Variants in NR3C2 observed in about 807,000 individuals in gnomAD.
The protein encoded by NR3C2 is mineralocorticoid receptor.
In NR3C2, 15 loss-of-function variants were observed where a neutral mutation model predicts 86.4. The ratio of observed to expected loss-of-function variants is 0.17; its 90% CI spans 0.12 to 0.27. NR3C2 has a LOEUF of 0.27. Ranked by LOEUF, NR3C2 falls within the 10% of genes least tolerant of loss-of-function variation. The pLI, the probability that NR3C2 is intolerant of heterozygous loss-of-function variation, is 1.00. For synonymous variants in NR3C2, 458 were observed against 450.5 expected (o/e 1.02, Z -0.21); for missense variants, 960 against 1,195.6 (o/e 0.80, Z 2.91).
At chr4:148,092,450 G>T (rs1731101293) in intron 8 of NR3C2, among the ~76,000 whole-genome samples, 1 of 152,128 alleles carries the variant, frequency 6.6e-6, no homozygotes, top group Non-Finnish European at 1.5e-5. Flanking sequence ...TTTCTGCTGT[G>T]CAACCCTGGT....
chr4:148,356,480 A>T lies in NR3C2; in HGVS notation c.1757+78624T>A, dbSNP rs568776330. ...GTGACGTTTTTCTGTAGTGCCATTC[A>T]TAAAGGTGTCACATCTATGCTATAC... On this transcript the variant is annotated intron_variant, in intron 2 of 8. Transcript: ENST00000358102. Among the ~76,000 whole-genome samples the T allele has an allele frequency of 3.2e-4, 49 of 152,322 alleles. 1 individual carries two copies. The highest frequency in any genetic ancestry group is 1.1e-3 in the African/African-American group (47 of 41,586).
At chr4:148,151,265 G>A (rs1578943595) in intron 6 of NR3C2, among the ~76,000 whole-genome samples, 1 of 49,514 alleles carries the variant, frequency 2.0e-5, no homozygotes, top group South Asian at 4.3e-4. Flanking sequence ...ATTTACTCAC[G>A]TCCTTTTAAA....
At chr4:148,289,755 T>C (rs548929600) in intron 2 of NR3C2, among the ~76,000 whole-genome samples, 2 of 152,294 alleles carry the variant, frequency 1.3e-5, no homozygotes, top group Admixed American at 6.5e-5. Context: ...AGACTACAGC[T>C]TCCTGACTCT....
At chr4:148,194,902 C>T in intron 3 of NR3C2, 40 bp from the exon 4 acceptor site, 1 of 1,357,192 alleles carries the variant, frequency 7.4e-7, no homozygotes, top group Non-Finnish European at 1.0e-6. Flanking sequence ...AAATAGAGTA[C>T]ACTAGTACAA....
intron 2 of NR3C2, among the ~76,000 whole-genome samples, chr4:148,371,725 C>T (rs573766748): frequency 8.5e-5 from 13 of 152,124 alleles, no homozygotes; most frequent in African/African-American, 2.9e-4. Flanking sequence ...AAAAACAGTA[C>T]CTGACTTAAT....
At chr4:148,213,290 AT>A (rs1467932330) in intron 3 of NR3C2, among the ~76,000 whole-genome samples, 1 of 152,220 alleles carries the variant, frequency 6.6e-6, no homozygotes, top group African/African-American at 2.4e-5. Flanking sequence ...ATGGAAATTC[AT>A]TTTAAAATCA....
At chr4:148,176,420 G>C (rs1344531120) in intron 4 of NR3C2, among the ~76,000 whole-genome samples, 1 of 152,170 alleles carries the variant, frequency 6.6e-6, no homozygotes, top group Non-Finnish European at 1.5e-5. Flanking sequence ...AGATAGCACA[G>C]GGCCATTTGA....
chr4:148,436,227 A>C lies in NR3C2; in HGVS notation c.634T>G (p.Ser212Ala). 6.2e-7 allele frequency: 1 copy of C among 1,614,168 alleles called. No individual in the cohort carries two copies. Among genetic ancestry groups the C allele is most frequent in the Non-Finnish European group, 8.5e-7 (1 of 1,180,026 alleles). The change falls in exon 2 of 9, where the codon TCT becomes GCT. Residue 212 changes from serine to alanine, a missense_variant. Physicochemically the swap from Ser to Ala is moderately conservative, Grantham distance 99. Transcript: ENST00000358102. Reference protein sequence around the residue: ...SSVCSPAGINSVSSTTASFGS... With the variant: ...SSVCSPAGINAVSSTTASFGS... Reference sequence around the variant, plus strand: ...AAGCTGGCTGTGGTGGAGGACACAGAGTTGATTCCAGCAGGGCTGCAAACC... The same window carrying C: ...AAGCTGGCTGTGGTGGAGGACACAGCGTTGATTCCAGCAGGGCTGCAAACC...
At chr4:148,351,803 G>A (rs1476243333) in intron 2 of NR3C2, among the ~76,000 whole-genome samples, 1 of 152,136 alleles carries the variant, frequency 6.6e-6, no homozygotes, top group African/African-American at 2.4e-5. Context: ...ATAAAAGGGT[G>A]ATAAATGCCT....
At chr4:148,134,233 G>C (rs1236202696) in intron 6 of NR3C2, among the ~76,000 whole-genome samples, 1 of 152,126 alleles carries the variant, frequency 6.6e-6, no homozygotes, top group Non-Finnish European at 1.5e-5. Context: ...ATGAACAACT[G>C]CATCATTCAT....
At position 148,290,250 on chromosome 4, in the gene NR3C2, A is replaced by G. The variant is rs185917086; in HGVS notation, c.1758-30133T>C. On this transcript the variant is annotated intron_variant, in intron 2 of 8. Transcript: ENST00000358102. ...CTGCTAAGCACTTCAGCCATATTAG[A>G]TTAGGGTTCAGCCTAACAGCTTCAT... Among the ~76,000 whole-genome samples the G allele has an allele frequency of 3.0e-3, 462 of 152,236 alleles. 1 individual carries two copies. The highest frequency in any genetic ancestry group is 6.8e-3 in the Middle Eastern group (2 of 294).
intron 2 of NR3C2, among the ~76,000 whole-genome samples, chr4:148,275,828 C>T (rs960439083): frequency 5.3e-5 from 8 of 151,978 alleles, no homozygotes; most frequent in Admixed American, 2.0e-4. Flanking sequence ...AACTGGAGTT[C>T]CCAAGAGTCA....
At chr4:148,334,332 C>T (rs1381223286) in intron 2 of NR3C2, among the ~76,000 whole-genome samples, 4 of 152,200 alleles carry the variant, frequency 2.6e-5, no homozygotes, top group South Asian at 4.1e-4. Flanking sequence ...CACCTGACGT[C>T]GGGAGTTCGA....
intron 2 of NR3C2, among the ~76,000 whole-genome samples, chr4:148,276,165 G>C (rs1740952055): frequency 6.6e-6 from 1 of 152,116 alleles, no homozygotes; most frequent in Non-Finnish European, 1.5e-5. Context: ...TAATATGTTT[G>C]ACCCTGAAAA....
chr4:148,227,107 T>C (rs568087676), intron 3 of NR3C2, among the ~76,000 whole-genome samples: 287 of 152,320 alleles, frequency 1.9e-3, no homozygotes, highest in African/African-American at 4.7e-3. Context: ...ACTTTTCTTA[T>C]ATTTCATCGG....
At chr4:148,380,670 T>C (rs975263765) in intron 2 of NR3C2, among the ~76,000 whole-genome samples, 1 of 152,204 alleles carries the variant, frequency 6.6e-6, no homozygotes, top group African/African-American at 2.4e-5. Context: ...TGGTCCTGAC[T>C]TGCATCTCCC....
intron 3 of NR3C2, among the ~76,000 whole-genome samples, chr4:148,221,341 A>T (rs1029003358): frequency 6.6e-6 from 1 of 152,244 alleles, no homozygotes. Flanking sequence ...TACAACTCAT[A>T]GAACAATTCT....
chr4:148,306,814 G>A (rs997200044), intron 2 of NR3C2, among the ~76,000 whole-genome samples: 2 of 152,156 alleles, frequency 1.3e-5, no homozygotes, highest in Non-Finnish European at 2.9e-5. Context: ...ATTAAAAATA[G>A]ATTATAGCAC....
intron 2 of NR3C2, among the ~76,000 whole-genome samples, chr4:148,351,889 A>G (rs900262558): frequency 3.9e-5 from 6 of 152,114 alleles, no homozygotes; most frequent in African/African-American, 1.4e-4. Flanking sequence ...CAGTCCCCCC[A>G]TTCTGTTCTT....
Sources: gnomAD v4.1 joint callset for allele counts (sites outside exome capture counted in the v4.1 genomes callset) on GRCh38, gnomAD v4.1.1 for gene constraint, MANE v1.5 for transcripts, NCBI Gene and HGNC (gene_info 2026-07-23, HGNC 2026-07-21) for gene names.